ANO6: variants seen among roughly 807,000 people sequenced by gnomAD.
The protein encoded by ANO6 is anoctamin-6.
ANO6 carries 106 observed loss-of-function variants against 117.5 expected under a neutral mutation model. The ratio of observed to expected loss-of-function variants is 0.90; its 90% CI spans 0.77 to 1.06. The LOEUF (loss-of-function observed/expected upper bound fraction) is 1.06. Among genes scored for constraint, ANO6 ranks in the 50% least tolerant of loss-of-function variants. The probability of loss-of-function intolerance (pLI) is 0.00; values close to 1 mark genes in which losing one functional copy is unlikely to be tolerated. For synonymous variants in ANO6, 367 were observed against 385.1 expected, an observed-to-expected ratio of 0.95 and a Z score of 0.55; for missense variants, 955 against 1,121.1, an observed-to-expected ratio of 0.85 and a Z score of 2.12.
At chr12:45,371,709 G>A (rs1028685938) in intron 9 of ANO6, among the ~76,000 whole-genome samples, 1 of 152,172 alleles carries the variant, frequency 6.6e-6, no homozygotes, top group African/African-American at 2.4e-5. Context: ...AAACCCATCT[G>A]TACATCACCA....
intron 1 of ANO6, among the ~76,000 whole-genome samples, chr12:45,281,822 G>T (rs930197575): frequency 6.6e-6 from 1 of 152,192 alleles, no homozygotes; most frequent in Non-Finnish European, 1.5e-5. Context: ...AGTATTTAAA[G>T]CAGAAAAGTA....
intron 10 of ANO6, among the ~76,000 whole-genome samples, chr12:45,378,318 T>A (rs1942083866): frequency 6.6e-6 from 1 of 152,098 alleles, no homozygotes; most frequent in African/African-American, 2.4e-5. Flanking sequence ...AACAACAAAC[T>A]TTATTTCTCA....
At chr12:45,384,502 C>T (rs1047515910) in intron 10 of ANO6, among the ~76,000 whole-genome samples, 11 of 152,202 alleles carry the variant, frequency 7.2e-5, no homozygotes, top group African/African-American at 2.4e-4. Context: ...CTTGCTTTCA[C>T]TTGAACACCT....
chr12:45,340,337 A>G (rs915549190), intron 3 of ANO6, among the ~76,000 whole-genome samples: 4 of 152,144 alleles, frequency 2.6e-5, no homozygotes, highest in Non-Finnish European at 5.9e-5. Flanking sequence ...ACCATCAGTA[A>G]TAGAATCACA....
At chr12:45,360,463 C>T (rs1941527193) in intron 8 of ANO6, among the ~76,000 whole-genome samples, 1 of 152,202 alleles carries the variant, frequency 6.6e-6, no homozygotes, top group African/African-American at 2.4e-5. Flanking sequence ...TTAAAGTCTC[C>T]ACCTCTTAAT....
At chr12:45,317,894 G>C (rs11182974) in intron 2 of ANO6, among the ~76,000 whole-genome samples, 8,142 of 152,234 alleles carry the variant, frequency 0.053, 532 homozygotes, top group East Asian at 0.35. Context: ...ATTTTTTCCT[G>C]TGTCTGTTGG....
chr12:45,304,420 G>A (rs1480194911), intron 2 of ANO6, among the ~76,000 whole-genome samples: 1 of 152,124 alleles, frequency 6.6e-6, no homozygotes, highest in Non-Finnish European at 1.5e-5. Flanking sequence ...CCTGAGAGCA[G>A]AAAGAACCCA....
At chr12:45,304,445 T>C (rs944194922) in intron 2 of ANO6, among the ~76,000 whole-genome samples, 1 of 151,964 alleles carries the variant, frequency 6.6e-6, no homozygotes, top group Non-Finnish European at 1.5e-5. Flanking sequence ...CAAAGCAAAA[T>C]TGAAGAAAGA....
chr12:45,409,517 T>C (rs767843219), intron 16 of ANO6, 30 bp downstream of exon 16: 16 of 1,607,178 alleles, frequency 1.0e-5, no homozygotes, highest in African/African-American at 1.3e-5. Context: ...TTTAGTGATA[T>C]AAAACATGTT....
chr12:45,297,069 AG>A (rs1180922157), intron 1 of ANO6, among the ~76,000 whole-genome samples: 1 of 152,344 alleles, frequency 6.6e-6, no homozygotes, highest in East Asian at 1.9e-4. Flanking sequence ...AGCATTGCCA[AG>A]GATCATGCAG....
intron 12 of ANO6, 84 bp from the exon 13 acceptor site, chr12:45,401,711 C>A: frequency 2.7e-6 from 3 of 1,101,812 alleles, no homozygotes; most frequent in Non-Finnish European, 2.8e-6. Context: ...TACACACACA[C>A]CTTGTTAAGT....
chr12:45,261,289 A>G (rs1470430071), intron 1 of ANO6, among the ~76,000 whole-genome samples: 1 of 152,196 alleles, frequency 6.6e-6, no homozygotes, highest in Non-Finnish European at 1.5e-5. Context: ...ACATCTTCCC[A>G]TTCTCCTATG....
At chr12:45,282,531 G>A (rs906535573) in intron 1 of ANO6, among the ~76,000 whole-genome samples, 1 of 152,136 alleles carries the variant, frequency 6.6e-6, no homozygotes, top group African/African-American at 2.4e-5. Context: ...TGTCAAGTAA[G>A]GCAAAAATGT....
intron 1 of ANO6, among the ~76,000 whole-genome samples, chr12:45,279,816 A>C (rs190349403): frequency 2.0e-4 from 30 of 152,248 alleles, no homozygotes; most frequent in African/African-American, 6.8e-4. Context: ...TGAACACCGG[A>C]ATAGGAAACA....
Position 45,357,411 on chromosome 12 carries a change from A to G in ANO6, c.985A>G (p.Asn329Asp). The G allele has an allele frequency of 6.2e-7, 1 of 1,613,708 alleles. No individual in the cohort carries two copies. Residue 329 changes from asparagine (N) to aspartate (D), a missense_variant, in exon 8 of 20, where the codon AAC (asparagine) becomes GAC (aspartate). Coordinates refer to ENST00000320560, the MANE Select transcript of ANO6 (RefSeq NM_001025356.3). ...CFLYGYLNQD[N>D]CTWSKEVCHP... is the part of the protein sequence containing the mutation. Reference sequence around the variant, plus strand: ...TCTCTATGGATATCTTAATCAAGATAACTGTACATGGAGGTAACCTCTGTT... The same window carrying G: ...TCTCTATGGATATCTTAATCAAGATGACTGTACATGGAGGTAACCTCTGTT...
chr12:45,260,227 T>TAC (rs1345856952), intron 1 of ANO6, among the ~76,000 whole-genome samples: 1 of 152,240 alleles, frequency 6.6e-6, no homozygotes, highest in Non-Finnish European at 1.5e-5. Flanking sequence ...GTTCAGCCTG[T>TAC]ACAAAGGTAA....
At chr12:45,255,818 GTTTTTTTTT>G (rs551517877) in intron 1 of ANO6, among the ~76,000 whole-genome samples, 3 of 81,692 alleles carry the variant, frequency 3.7e-5, no homozygotes, top group South Asian at 9.3e-4. Context: ...CTCCCTGGGT[GTTTTTTTTT>G]TTTTTTTTTT....
intron 14 of ANO6, 62 bp from the exon 15 acceptor site, chr12:45,403,377 T>G (rs377649364): frequency 1.3e-6 from 2 of 1,513,218 alleles, no homozygotes; most frequent in South Asian, 1.1e-5. Flanking sequence ...AAAAATAGAA[T>G]GCCTATATTT....
At chr12:45,355,525 G>T (rs1941387336) in intron 7 of ANO6, among the ~76,000 whole-genome samples, 1 of 152,124 alleles carries the variant, frequency 6.6e-6, no homozygotes, top group South Asian at 2.1e-4. Flanking sequence ...ATGGATGGCT[G>T]ATGAAAACTT....
Sources: gnomAD v4.1 joint callset for allele counts (sites outside exome capture counted in the v4.1 genomes callset) on GRCh38, gnomAD v4.1.1 for gene constraint, MANE v1.5 for transcripts, NCBI Gene and HGNC (gene_info 2026-07-23, HGNC 2026-07-21) for gene names.